FAM110B: variants seen among roughly 807,000 people sequenced by gnomAD.
The protein encoded by FAM110B is protein FAM110B.
FAM110B carries 6 observed loss-of-function variants against 20.4 expected under a neutral mutation model. That is an observed-to-expected ratio of 0.29 (90% CI 0.16 to 0.58). The LOEUF (loss-of-function observed/expected upper bound fraction) is 0.58. FAM110B is among the 20% of genes least tolerant of loss of function. The pLI, the probability that FAM110B is intolerant of heterozygous loss-of-function variation, is 0.90. For synonymous variants in FAM110B, 226 were observed against 214.1 expected (o/e 1.06, Z -0.49); for missense variants, 434 against 498.2 (o/e 0.87, Z 1.23).
chr8:58,104,399 A>T (rs1055537435), intron 3 of FAM110B, among the ~76,000 whole-genome samples: 1 of 152,244 alleles, frequency 6.6e-6, no homozygotes, highest in African/African-American at 2.4e-5. Flanking sequence ...ATCGTTTTAT[A>T]TATGGGCCAT....
At chr8:58,133,739 A>T (rs1053050973) in intron 3 of FAM110B, among the ~76,000 whole-genome samples, 5 of 152,146 alleles carry the variant, frequency 3.3e-5, no homozygotes, top group African/African-American at 9.7e-5. Context: ...CATCCCCCTG[A>T]CACCAGTCTC....
chr8:58,038,072 G>A (rs1172205671), intron 2 of FAM110B, among the ~76,000 whole-genome samples: 1 of 152,134 alleles, frequency 6.6e-6, no homozygotes, highest in Non-Finnish European at 1.5e-5. Context: ...CCCAATTTTT[G>A]TTTCTTTAAT....
At chr8:58,053,151 T>G (rs1229558635) in intron 2 of FAM110B, among the ~76,000 whole-genome samples, 1 of 152,140 alleles carries the variant, frequency 6.6e-6, no homozygotes, top group Non-Finnish European at 1.5e-5. Context: ...CTGACTGCAG[T>G]AGAGAGTCTC....
intron 2 of FAM110B, among the ~76,000 whole-genome samples, chr8:58,037,327 GTTTT>G (rs762051989): frequency 4.0e-4 from 60 of 150,768 alleles, no homozygotes; most frequent in East Asian, 3.9e-3. Flanking sequence ...TTGTTTGTTT[GTTTT>G]TTTAATTAAA....
chr8:58,107,339 TG>T (rs768075078), intron 3 of FAM110B, among the ~76,000 whole-genome samples: 8 of 150,728 alleles, frequency 5.3e-5, no homozygotes, highest in South Asian at 2.1e-4. Flanking sequence ...TAAAGTTTTT[TG>T]TTGTTGTTGT....
At chr8:58,029,429 T>A (rs985837854) in intron 1 of FAM110B, among the ~76,000 whole-genome samples, 1 of 152,218 alleles carries the variant, frequency 6.6e-6, no homozygotes, top group Non-Finnish European at 1.5e-5. Flanking sequence ...AATCTAGCTT[T>A]ATCAGTGGGA....
intron 1 of FAM110B, among the ~76,000 whole-genome samples, chr8:57,997,833 G>A (rs756198424): frequency 1.5e-4 from 23 of 152,192 alleles, no homozygotes; most frequent in Non-Finnish European, 2.4e-4. Flanking sequence ...CAAAATCCTC[G>A]ATGGTTGATG....
intron 1 of FAM110B, among the ~76,000 whole-genome samples, chr8:58,018,295 A>G (rs1247703581): frequency 6.6e-6 from 1 of 152,182 alleles, no homozygotes; most frequent in Non-Finnish European, 1.5e-5. Context: ...ATGCACATTT[A>G]GAACTCTCAG....
chr8:58,118,373 C>T (rs1300216352), intron 3 of FAM110B, among the ~76,000 whole-genome samples: 3 of 152,174 alleles, frequency 2.0e-5, no homozygotes, highest in Admixed American at 2.0e-4. Flanking sequence ...GGAAACTAGC[C>T]GCATTCCAGG....
intron 1 of FAM110B, among the ~76,000 whole-genome samples, chr8:58,010,416 A>T (rs1804508383): frequency 6.6e-6 from 1 of 152,106 alleles, no homozygotes; most frequent in African/African-American, 2.4e-5. Context: ...GTGAGGGAAC[A>T]TACACTAGCC....
chr8:58,096,503 A>G (rs903144624), intron 3 of FAM110B, among the ~76,000 whole-genome samples: 1 of 152,126 alleles, frequency 6.6e-6, no homozygotes, highest in Admixed American at 6.5e-5. Flanking sequence ...CCAATTTGCC[A>G]GTCTGTGTCT....
At chr8:58,086,607 A>G (rs1202606912) in intron 3 of FAM110B, among the ~76,000 whole-genome samples, 1 of 152,194 alleles carries the variant, frequency 6.6e-6, no homozygotes, top group East Asian at 1.9e-4. Flanking sequence ...GTTACGCATA[A>G]ATAGGACCAC....
At chr8:58,135,846 TG>T (rs1442063134) in intron 3 of FAM110B, among the ~76,000 whole-genome samples, 1 of 152,024 alleles carries the variant, frequency 6.6e-6, no homozygotes, top group Non-Finnish European at 1.5e-5. Flanking sequence ...AGATGAGGTG[TG>T]GGAACTCACA....
chr8:58,102,056 A>G (rs549410011), intron 3 of FAM110B, among the ~76,000 whole-genome samples: 8 of 152,246 alleles, frequency 5.3e-5, no homozygotes, highest in Non-Finnish European at 8.8e-5. Flanking sequence ...GTTATTTTCC[A>G]GACCATCACA....
intron 2 of FAM110B, among the ~76,000 whole-genome samples, chr8:58,069,544 T>G (rs1035605431): frequency 2.6e-5 from 4 of 152,224 alleles, no homozygotes; most frequent in Non-Finnish European, 5.9e-5. Context: ...CCAAATGTGT[T>G]TAATTTTTCC....
chr8:58,066,708 C>G (rs1021022366), intron 2 of FAM110B, among the ~76,000 whole-genome samples: 2 of 152,164 alleles, frequency 1.3e-5, no homozygotes, highest in African/African-American at 4.8e-5. Context: ...ATCCTGGTGG[C>G]TCCCCGGACC....
At chr8:58,046,675 C>G (rs568978007) in intron 2 of FAM110B, among the ~76,000 whole-genome samples, 6 of 152,354 alleles carry the variant, frequency 3.9e-5, no homozygotes, top group African/African-American at 1.2e-4. Flanking sequence ...CAATGTATCC[C>G]TCTTACCATA....
chr8:58,112,838 G>A (rs1033641868), intron 3 of FAM110B, among the ~76,000 whole-genome samples: 1 of 152,188 alleles, frequency 6.6e-6, no homozygotes, highest in Non-Finnish European at 1.5e-5. Flanking sequence ...AAGGGCTAAG[G>A]ACTTAAGGAC....
chr8:58,049,620 T>G (rs1805399688), intron 2 of FAM110B, among the ~76,000 whole-genome samples: 1 of 152,176 alleles, frequency 6.6e-6, no homozygotes. Context: ...CACTGAATCT[T>G]AAAGACCACA....
Sources: gnomAD v4.1 joint callset for allele counts (sites outside exome capture counted in the v4.1 genomes callset) on GRCh38, gnomAD v4.1.1 for gene constraint, MANE v1.5 for transcripts, NCBI Gene and HGNC (gene_info 2026-07-23, HGNC 2026-07-21) for gene names.